MTMR12: variants seen among roughly 807,000 people sequenced by gnomAD.
The protein encoded by MTMR12 is myotubularin related protein 12.
In MTMR12, 33 loss-of-function variants were observed where a neutral mutation model predicts 96.7. The ratio of observed to expected loss-of-function variants is 0.34; its 90% CI spans 0.26 to 0.46. The LOEUF (loss-of-function observed/expected upper bound fraction) is 0.46. Ranked by LOEUF, MTMR12 falls within the 20% of genes least tolerant of loss-of-function variation. The pLI is 1.00. For missense variants in MTMR12, 721 were observed against 896.1 expected (o/e 0.80, Z 2.49); for synonymous variants, 298 against 327.2 (o/e 0.91, Z 0.96).
intron 3 of MTMR12, among the ~76,000 whole-genome samples, chr5:32,272,572 T>C (rs1213459501): frequency 6.6e-6 from 1 of 151,962 alleles, no homozygotes; most frequent in African/African-American, 2.4e-5. Context: ...AGAGACATGA[T>C]TTCCACATGT....
At chr5:32,308,313 C>A (rs1751434905) in intron 1 of MTMR12, among the ~76,000 whole-genome samples, 1 of 151,444 alleles carries the variant, frequency 6.6e-6, no homozygotes, top group African/African-American at 2.4e-5. Flanking sequence ...CAGAACGAGG[C>A]TCCATCTCAA....
Position 32,303,847 on chromosome 5 carries a change from CAAAA to C in MTMR12, c.81+8907_81+8910del, listed in dbSNP as rs57459005. On this transcript the variant is annotated intron_variant, in intron 1 of 15. Coordinates refer to ENST00000382142, the MANE Select transcript of MTMR12 (RefSeq NM_001040446.3). ...AAACTCACTGCCCTCTTTGCCATCT[CAAAA>C]AAAAAAAAAAAAAAAAAAAACCACA... is the stretch of plus-strand genomic sequence containing the variant. 7.2e-3 allele frequency among the ~76,000 whole-genome samples: 491 copies of C among 68,400 alleles called. 5 individuals carry two copies. Among genetic ancestry groups the C allele is most frequent in the African/African-American group, 0.024 (441 of 18,432 alleles). 44.9% of individuals were successfully genotyped at this position (68,400 alleles called of 152,430 possible). A position where few individuals can be genotyped will look rare whatever the true frequency, so the allele number is the denominator to read the frequency against.
At chr5:32,276,810 C>T (rs973495138) in intron 1 of MTMR12, 68 bp from the exon 2 acceptor site, 5 of 1,265,432 alleles carry the variant, frequency 4.0e-6, no homozygotes, top group Non-Finnish European at 5.6e-6. Flanking sequence ...TTAAGCCATG[C>T]TTTCAGAATA....
chr5:32,260,170 T>G (rs1581609913), intron 7 of MTMR12, among the ~76,000 whole-genome samples: 1 of 148,340 alleles, frequency 6.7e-6, no homozygotes, highest in Non-Finnish European at 1.5e-5. Context: ...GGCAGGGAGG[T>G]CAGTATGGCC....
At chr5:32,273,209 G>A (rs954228347) in intron 3 of MTMR12, among the ~76,000 whole-genome samples, 1 of 152,118 alleles carries the variant, frequency 6.6e-6, no homozygotes, top group Non-Finnish European at 1.5e-5. Flanking sequence ...AGACCAGCAT[G>A]GGCAACATGG....
chr5:32,291,485 G>C (rs1750735417), intron 1 of MTMR12, among the ~76,000 whole-genome samples: 1 of 152,218 alleles, frequency 6.6e-6, no homozygotes, highest in African/African-American at 2.4e-5. Context: ...GAGTTATATG[G>C]ATGGTCCTCT....
At chr5:32,248,963 G>T (rs1748804663) in intron 8 of MTMR12, 85 bp from the exon 9 acceptor site, 8 of 1,013,130 alleles carry the variant, frequency 7.9e-6, no homozygotes, top group South Asian at 2.6e-5. Context: ...ATGCATACAG[G>T]GAAATCTGTA....
At chr5:32,246,234 T>C (rs530473224) in intron 10 of MTMR12, among the ~76,000 whole-genome samples, 24 of 148,574 alleles carry the variant, frequency 1.6e-4, no homozygotes, top group African/African-American at 4.7e-4. Flanking sequence ...TAGCGTGATC[T>C]TGGCTCACAG....
chr5:32,275,312 T>C (rs111710797), intron 2 of MTMR12, among the ~76,000 whole-genome samples: 32 of 152,104 alleles, frequency 2.1e-4, no homozygotes, highest in Non-Finnish European at 3.7e-4. Flanking sequence ...AGGGCCTCAT[T>C]AGGGTTTAAA....
chr5:32,248,248 C>A, intron 9 of MTMR12, 122 bp from the exon 10 acceptor site: 2 of 1,116,520 alleles, frequency 1.8e-6, no homozygotes, highest in Admixed American at 2.4e-5. Context: ...TCTTCACCTA[C>A]CAGGCAATTG....
Position 32,233,097 on chromosome 5 carries a change from T to C in MTMR12, c.1674+676A>G. 1 of 864,706 alleles carries C rather than the reference T, an allele frequency of 1.2e-6. No individual in the cohort carries two copies. Among genetic ancestry groups the C allele is most frequent in the South Asian group, 5.3e-5 (1 of 18,828 alleles). 53.6% of individuals were successfully genotyped at this position (864,706 alleles called of 1,614,324 possible). ...AACTAAAATGACTTTCTGACATTTG[T>C]GGCTCATAGCATAGGTCAGCAAACT... is the stretch of plus-strand genomic sequence containing the variant. On this transcript the variant is annotated intron_variant, in intron 15 of 15. Transcript: ENST00000382142. The surrounding 1 kb of genome is among the most constrained non-coding windows in gnomAD (Gnocchi z 5.0).
chr5:32,287,977 T>TG (rs1750606641), intron 1 of MTMR12, among the ~76,000 whole-genome samples: 3 of 152,108 alleles, frequency 2.0e-5, no homozygotes, highest in Non-Finnish European at 4.4e-5. Flanking sequence ...AGAATCTCCC[T>TG]TCAGAAGCAG....
chr5:32,273,877 T>G, intron 3 of MTMR12, 103 bp downstream of exon 3: 1 of 1,487,072 alleles, frequency 6.7e-7, no homozygotes, highest in Admixed American at 1.9e-5. Flanking sequence ...TTTGTGTTTA[T>G]GTGTGTTAGG....
chr5:32,242,914 T>C (rs1380032108), intron 11 of MTMR12, among the ~76,000 whole-genome samples: 3 of 152,122 alleles, frequency 2.0e-5, no homozygotes, highest in Non-Finnish European at 2.9e-5. Flanking sequence ...TGTGAGGCAG[T>C]AGGAAGCATT....
chr5:32,312,287 TCCCGCCAG>T lies in MTMR12; in HGVS notation c.81+463_81+470del, dbSNP rs1483731569. ...GGGAGGCGGACGTAGGTGCAGGGCA[TCCCGCCAG>T]CCGCACCCGAGGCACTCAGACGCAG... is the stretch of plus-strand genomic sequence containing the variant. On this transcript the variant is annotated intron_variant, in intron 1 of 15. Transcript: ENST00000382142. The surrounding 1 kb of genome is among the most constrained non-coding windows in gnomAD (Gnocchi z 5.0). Among the ~76,000 whole-genome samples the T allele has an allele frequency of 6.6e-6, 1 of 152,080 alleles. No homozygotes were observed. Among genetic ancestry groups the T allele is most frequent in the African/African-American group, 2.4e-5 (1 of 41,440 alleles).
chr5:32,288,118 AT>A (rs1750611427), intron 1 of MTMR12, among the ~76,000 whole-genome samples: 2 of 152,202 alleles, frequency 1.3e-5, no homozygotes, highest in South Asian at 4.1e-4. Context: ...CAAAAGGTGC[AT>A]GCACAGCCTC....
intron 1 of MTMR12, among the ~76,000 whole-genome samples, chr5:32,302,077 A>G (rs1751172630): frequency 1.3e-5 from 2 of 152,304 alleles, no homozygotes; most frequent in African/African-American, 4.8e-5. Flanking sequence ...CCACTTATAC[A>G]TAAGCCCTAT....
chr5:32,305,713 G>T (rs1196631777), intron 1 of MTMR12, among the ~76,000 whole-genome samples: 1 of 152,136 alleles, frequency 6.6e-6, no homozygotes, highest in African/African-American at 2.4e-5. Flanking sequence ...AGACCAGCCT[G>T]ACCAACGTGG....
rs1432440327 is a variant in MTMR12 at position 32,233,871 on chromosome 5, C to T, written c.1576G>A (p.Val526Met). 2 of 1,614,144 alleles carry T rather than the reference C, an allele frequency of 1.2e-6. No individual in the cohort carries two copies. Among genetic ancestry groups the T allele is most frequent in the Non-Finnish European group, 8.5e-7 (1 of 1,180,034 alleles). The part of the protein sequence containing the change: ...LNLLTVWDWS[V>M]QFEPKAQTLL... ...GTCTGGGCTTTGGGTTCAAACTGCA[C>T]CGACCAATCCCACACGGTGAGCAGA... is the stretch of plus-strand genomic sequence containing the variant. The change falls in exon 15 of 16, where the codon GTG becomes ATG. Residue 526 changes from valine (V) to methionine (M), a missense_variant. Val to Met is a conservative substitution (Grantham distance 21). Coordinates refer to ENST00000382142, the MANE Select transcript of MTMR12 (RefSeq NM_001040446.3). The surrounding 1 kb of genome is among the most constrained non-coding windows in gnomAD (Gnocchi z 5.0).
Sources: allele counts gnomAD v4.1 joint callset (sites outside exome capture counted in the v4.1 genomes callset), GRCh38; gene constraint gnomAD v4.1.1; non-coding constraint Gnocchi (gnomAD v3.1); transcripts MANE v1.5; gene names NCBI Gene and HGNC (gene_info 2026-07-23, HGNC 2026-07-21).